Variants in CHST1 observed in about 807,000 individuals in gnomAD.
CHST1 encodes the protein Keratan sulfotransferase.
CHST1 carries 10 observed loss-of-function variants against 22.5 expected under a neutral mutation model. The ratio of observed to expected loss-of-function variants is 0.44; its 90% CI spans 0.27 to 0.75. The LOEUF is 0.75. Ranked by LOEUF, CHST1 falls within the 30% of genes least tolerant of loss-of-function variation. The pLI is 0.15. For synonymous variants in CHST1, 267 were observed against 264.5 expected, an observed-to-expected ratio of 1.01 and a Z score of -0.09; for missense variants, 439 against 576.1, an observed-to-expected ratio of 0.76 and a Z score of 2.44.
Position 45,650,200 on chromosome 11 carries a change from A to G in CHST1, c.724T>C (p.Ser242Pro). ...GTGTCGCGGAAGGTCTCGCTGCGCGAAGCCAGAATGCCGCGGGGGTCTCGG... is the reference window on the plus strand; with the variant it reads ...GTGTCGCGGAAGGTCTCGCTGCGCGGAGCCAGAATGCCGCGGGGGTCTCGG... ...LVRDPRGILA[S>P]RSETFRDTYR... is the part of the protein sequence containing the mutation. Residue 242 changes from serine (S) to proline (P), a missense_variant, in exon 4 of 4, where the codon TCG becomes CCG. By Grantham distance (74) the Ser-to-Pro change is moderately conservative (BLOSUM62 -1). Transcript: ENST00000308064. The G allele has an allele frequency of 6.2e-7, 1 of 1,611,606 alleles. No individual in the cohort carries two copies. Among genetic ancestry groups the G allele is most frequent in the Non-Finnish European group, 8.5e-7 (1 of 1,179,950 alleles).
At chr11:45,653,668 G>A (rs997356830) in intron 1 of CHST1, among the ~76,000 whole-genome samples, 7 of 152,224 alleles carry the variant, frequency 4.6e-5, no homozygotes, top group South Asian at 2.1e-4. Flanking sequence ...TTCTTTGGCT[G>A]CAGCATCATT....
At chr11:45,664,540 T>TA (rs1201905447) in intron 1 of CHST1, among the ~76,000 whole-genome samples, 2 of 152,234 alleles carry the variant, frequency 1.3e-5, no homozygotes, top group African/African-American at 4.8e-5. Context: ...TCTGGGCTGT[T>TA]ACCGCGAAAG....
chr11:45,650,170 G>A lies in CHST1; in HGVS notation c.754C>T (p.Arg252Trp), dbSNP rs768248608. The stretch of plus-strand genomic sequence containing the variant: ...GTGCCGTACCAGAGCCGCCAGAGCC[G>A]GTACGTGTCGCGGAAGGTCTCGCTG... ...SRSETFRDTY[R>W]LWRLWYGTGR... Residue 252 changes from arginine (R) to tryptophan (W), a missense_variant, in exon 4 of 4, where the codon CGG (arginine) becomes TGG (tryptophan). Coordinates refer to ENST00000308064, the MANE Select transcript of CHST1 (RefSeq NM_003654.6). 7 of 1,613,274 alleles carry A rather than the reference G, an allele frequency of 4.3e-6. No homozygotes were observed. Among genetic ancestry groups the A allele is most frequent in the Non-Finnish European group, 5.9e-6 (7 of 1,180,014 alleles).
In CHST1 at chr11:45,649,332, C is replaced by A; in HGVS notation, c.*356G>T. On this transcript the variant is annotated 3_prime_UTR_variant, in exon 4 of 4. Transcript: ENST00000308064. ...AAAACTAGATACCCGACCACTCACC[C>A]ATTCAAAAGCTTGAGAAGTCGCCTC... 1 of 275,644 alleles carries A rather than the reference C, an allele frequency of 3.6e-6. No individual in the cohort carries two copies. Among genetic ancestry groups the A allele is most frequent in the Non-Finnish European group, 6.8e-6 (1 of 147,038 alleles). The allele number at this position is 275,644 out of a possible 1,614,324, so 17.1% of individuals were successfully genotyped here.
At position 45,647,853 on chromosome 11, in the gene CHST1, A is replaced by G. The variant is rs1032086380; in HGVS notation, c.*1835T>C. ...TTAAGGCATTTGCTAGAGCTGTTGA[A>G]CTGTCTACATCCTCCTGACACATAT... On this transcript the variant is annotated 3_prime_UTR_variant, in exon 4 of 4. Transcript: ENST00000308064. Among the ~76,000 whole-genome samples the G allele has an allele frequency of 1.4e-4, 21 of 152,160 alleles. No individual in the cohort carries two copies. The highest frequency in any genetic ancestry group is 5.1e-4 in the African/African-American group (21 of 41,432).
At chr11:45,661,157 A>C (rs1852127879) in intron 1 of CHST1, among the ~76,000 whole-genome samples, 1 of 152,230 alleles carries the variant, frequency 6.6e-6, no homozygotes, top group Admixed American at 6.5e-5. Context: ...TAATCTTACA[A>C]AATTAATTCA....
Position 45,649,575 on chromosome 11 carries a change from A to G in CHST1, c.*113T>C, listed in dbSNP as rs1851962442. On this transcript the variant is annotated 3_prime_UTR_variant, in exon 4 of 4. Coordinates refer to ENST00000308064, the MANE Select transcript of CHST1 (RefSeq NM_003654.6). ...GGAGTGGGGTGAGCTGGGGGCAGGA[A>G]GGACACGAAGATGAGGTGGGAGAGG... 3 of 1,115,098 alleles carry G rather than the reference A, an allele frequency of 2.7e-6. No homozygotes were observed. Among genetic ancestry groups the G allele is most frequent in the South Asian group, 3.0e-5 (2 of 66,520 alleles). The allele number at this position is 1,115,098 out of a possible 1,614,324, so 69.1% of individuals were successfully genotyped here. A position where few individuals can be genotyped will look rare whatever the true frequency, so the allele number is the denominator to read the frequency against.
chr11:45,665,044 A>G lies in CHST1; in HGVS notation c.-227+134T>C, dbSNP rs1565002613. 1 of 151,156 alleles carries G rather than the reference A, an allele frequency of 6.6e-6. No homozygotes were observed. The highest frequency in any genetic ancestry group is 2.4e-5 in the African/African-American group (1 of 40,936). 9.4% of individuals were successfully genotyped at this position (151,156 alleles called of 1,614,324 possible). ...CACGCCGCCGTTCCTCGCCGCCGCC[A>G]CCCCTCCGCTCACCGCCGGTAGCTG... On this transcript the variant is annotated intron_variant, in intron 1 of 3. Coordinates refer to ENST00000308064, the MANE Select transcript of CHST1 (RefSeq NM_003654.6). This position sits in a 1 kb window ranked among gnomAD's most constrained non-coding sequence, Gnocchi z 4.0.
chr11:45,656,752 C>T (rs916195220), intron 1 of CHST1, among the ~76,000 whole-genome samples: 1 of 141,618 alleles, frequency 7.1e-6, no homozygotes, highest in African/African-American at 2.6e-5. Context: ...GCCAGCTCTC[C>T]CCACCCCCAT....
chr11:45,655,567 G>A (rs1050392521), intron 1 of CHST1, among the ~76,000 whole-genome samples: 48 of 152,276 alleles, frequency 3.2e-4, no homozygotes, highest in African/African-American at 1.2e-3. Flanking sequence ...GCAGTGAGGT[G>A]TGAGGATGGC....
intron 1 of CHST1, among the ~76,000 whole-genome samples, chr11:45,663,270 ACTC>A (rs1203071824): frequency 6.6e-6 from 1 of 151,820 alleles, no homozygotes; most frequent in African/African-American, 2.4e-5. Flanking sequence ...ACACAGAGGT[ACTC>A]CTCCTCCGAT....
In CHST1 at chr11:45,650,450, C is replaced by G; in HGVS notation, c.474G>C (p.Arg158=). The change falls in exon 4 of 4, where the codon CGG becomes CGC. Residue 158 remains arginine (R), a synonymous_variant. Transcript: ENST00000308064. Reference sequence around the variant, plus strand: ...CGCACACAGGCCGGGAGCAGAGGACCCGGCTGGCCCCGCGGCGGAAGATCC... The same window carrying G: ...CGCACACAGGCCGGGAGCAGAGGACGCGGCTGGCCCCGCGGCGGAAGATCC... ...TDRIFRRGAS[R]VLCSRPVCDP... is the part of the protein sequence containing the mutation. The G allele has an allele frequency of 6.2e-7, 1 of 1,611,628 alleles. No homozygotes were observed. The highest frequency in any genetic ancestry group is 8.5e-7 in the Non-Finnish European group (1 of 1,179,872).
intron 3 of CHST1, 37 bp from the exon 4 acceptor site, chr11:45,651,002 C>T (rs1190861310): frequency 8.3e-6 from 12 of 1,445,026 alleles, no homozygotes; most frequent in Middle Eastern, 2.2e-4. Flanking sequence ...GGTGCCTCCA[C>T]GGCGGGGGCA....
intron 1 of CHST1, among the ~76,000 whole-genome samples, chr11:45,656,062 C>A (rs1408108206): frequency 6.6e-6 from 1 of 152,246 alleles, no homozygotes; most frequent in Non-Finnish European, 1.5e-5. Context: ...AGCGGTGCTG[C>A]CTTCTGCCAA....
Position 45,650,169 on chromosome 11 carries a change from C to T in CHST1, c.755G>A (p.Arg252Gln), listed in dbSNP as rs746469231. 2.5e-6 allele frequency: 4 copies of T among 1,613,196 alleles called. No homozygotes were observed. Among genetic ancestry groups the T allele is most frequent in the East Asian group, 2.2e-5 (1 of 44,874 alleles). The change falls in exon 4 of 4, where the codon CGG (arginine) becomes CAG (glutamine). Residue 252 changes from arginine (R) to glutamine (Q), a missense_variant. Coordinates refer to ENST00000308064, the MANE Select transcript of CHST1 (RefSeq NM_003654.6). ...GGTGCCGTACCAGAGCCGCCAGAGCCGGTACGTGTCGCGGAAGGTCTCGCT... is the reference window on the plus strand; with the variant it reads ...GGTGCCGTACCAGAGCCGCCAGAGCTGGTACGTGTCGCGGAAGGTCTCGCT... The part of the protein sequence containing the change: ...SRSETFRDTY[R>Q]LWRLWYGTGR...
chr11:45,649,843 G>C lies in CHST1; in HGVS notation c.1081C>G (p.Arg361Gly). Residue 361 changes from arginine to glycine, a missense_variant, in exon 4 of 4, where the codon CGC (arginine) becomes GGC (glycine). By Grantham distance (125) the Arg-to-Gly change is moderately radical. Coordinates refer to ENST00000308064, the MANE Select transcript of CHST1 (RefSeq NM_003654.6). The part of the protein sequence containing the change: ...RNSAATAEKW[R>G]FRLSYDIVAF... ...ACGATGTCGTAGGAGAGGCGGAAGC[G>C]CCACTTCTCGGCCGTGGCCGCCGAG... is the stretch of plus-strand genomic sequence containing the variant. 4 of 1,611,192 alleles carry C rather than the reference G, an allele frequency of 2.5e-6. No individual in the cohort carries two copies. The highest frequency in any genetic ancestry group is 3.4e-6 in the Non-Finnish European group (4 of 1,179,942).
chr11:45,658,380 C>T (rs1590692591), intron 1 of CHST1, among the ~76,000 whole-genome samples: 1 of 152,224 alleles, frequency 6.6e-6, no homozygotes, highest in Non-Finnish European at 1.5e-5. Context: ...TTTTTATGGA[C>T]TACTAAATGC....
rs1220032506 is a variant in CHST1 at position 45,648,027 on chromosome 11, G to A, written c.*1661C>T. On this transcript the variant is annotated 3_prime_UTR_variant, in exon 4 of 4. Transcript: ENST00000308064. ...CCAGGGGCAGGTTTTCTTGGAATAA[G>A]AGCTGGGGAAGCTGCCTGGAGCAAC... is the stretch of plus-strand genomic sequence containing the variant. Among the ~76,000 whole-genome samples the A allele has an allele frequency of 6.6e-6, 1 of 152,208 alleles. No individual in the cohort carries two copies. Among genetic ancestry groups the A allele is most frequent in the African/African-American group, 2.4e-5 (1 of 41,456 alleles).
In CHST1 at chr11:45,649,910, G is replaced by A. The variant is rs1851968520; in HGVS notation, c.1014C>T (p.Gly338=). The A allele has an allele frequency of 5.0e-6, 8 of 1,612,004 alleles. No individual in the cohort carries two copies. Among genetic ancestry groups the A allele is most frequent in the East Asian group, 4.5e-5 (2 of 44,874 alleles). The part of the protein sequence containing the change: ...VARWIQNNTR[G]DPTLGKHKYG... ...ATTTGTGCTTGCCCAGGGTGGGGTCGCCCCGCGTGTTGTTCTGGATCCAGC... is the reference window on the plus strand; with the variant it reads ...ATTTGTGCTTGCCCAGGGTGGGGTCACCCCGCGTGTTGTTCTGGATCCAGC... Residue 338 remains glycine (G), a synonymous_variant, in exon 4 of 4, where the codon GGC becomes GGT. Coordinates refer to ENST00000308064, the MANE Select transcript of CHST1 (RefSeq NM_003654.6).
Sources: allele counts gnomAD v4.1 joint callset (sites outside exome capture counted in the v4.1 genomes callset), GRCh38; gene constraint gnomAD v4.1.1; non-coding constraint Gnocchi (gnomAD v3.1); transcripts MANE v1.5; gene names NCBI Gene and HGNC (gene_info 2026-07-23, HGNC 2026-07-21).